Variants in CTNND1 observed in about 807,000 individuals in gnomAD.
CTNND1 encodes the protein catenin delta 1, also known as catenin delta-1.
In CTNND1, 16 loss-of-function variants were observed where a neutral mutation model predicts 112.1. The ratio of observed to expected loss-of-function variants is 0.14; its 90% CI spans 0.10 to 0.22. The LOEUF (loss-of-function observed/expected upper bound fraction) is 0.22. CTNND1 is among the 10% of genes least tolerant of loss of function. The probability of loss-of-function intolerance (pLI) is 1.00; values close to 1 mark genes in which losing one functional copy is unlikely to be tolerated. For missense variants in CTNND1, 1,008 were observed against 1,257.0 expected (o/e 0.80, Z 3.00); for synonymous variants, 420 against 446.5 (o/e 0.94, Z 0.75).
At position 57,802,060 on chromosome 11, in the gene CTNND1, C is replaced by T. The variant is rs2062060860; in HGVS notation, c.1284C>T (p.Ala428=). 6.2e-7 allele frequency: 1 copy of T among 1,613,998 alleles called. No homozygotes were observed. The change falls in exon 7 of 21, where the codon GCC becomes GCT. Residue 428 remains alanine (A), a synonymous_variant. Transcript: ENST00000399050. Reference sequence around the variant, plus strand: ...CCAAAAAGGAAGTGCACCTTGGAGCCTGTGGAGCTCTCAAGAATATCTCTT... The same window carrying T: ...CCAAAAAGGAAGTGCACCTTGGAGCTTGTGGAGCTCTCAAGAATATCTCTT... ...DHPKKEVHLG[A]CGALKNISFG... is the part of the protein sequence containing the mutation.
At chr11:57,767,897 A>T (rs989161622) in intron 1 of CTNND1, among the ~76,000 whole-genome samples, 4 of 149,974 alleles carry the variant, frequency 2.7e-5, no homozygotes, top group Non-Finnish European at 5.9e-5. Context: ...GTAGTAGTGC[A>T]ATCTTTGCTT....
At position 57,819,021 on chromosome 11, in the gene CTNND1, C is replaced by G. The variant is rs994571533; in HGVS notation, c.*2713C>G. 14 of 152,182 alleles carry G rather than the reference C, an allele frequency of 9.2e-5. No individual in the cohort carries two copies. The highest frequency in any genetic ancestry group is 3.9e-4 in the Admixed American group (6 of 15,280). The allele number at this position is 152,182 out of a possible 1,614,324, so 9.4% of individuals were successfully genotyped here. ...ACCATATTACCTGGATTACCAGGGA[C>G]TATCTTTGCTGCAGAGATCAAGGGT... On this transcript the variant is annotated 3_prime_UTR_variant, in exon 21 of 21. Transcript: ENST00000399050.
At chr11:57,793,634 G>T (rs501054) in intron 3 of CTNND1, among the ~76,000 whole-genome samples, 43,006 of 152,062 alleles carry the variant, frequency 0.28, 7,119 homozygotes, top group East Asian at 0.79. Context: ...TTTCCAAAAA[G>T]GTTGCATGTA....
At position 57,762,094 on chromosome 11, in the gene CTNND1, T is replaced by G; in HGVS notation, c.-239T>G. The G allele has an allele frequency of 1.0e-6, 1 of 985,426 alleles. No individual in the cohort carries two copies. Among genetic ancestry groups the G allele is most frequent in the South Asian group, 4.7e-5 (1 of 21,288 alleles). 61.0% of individuals were successfully genotyped at this position (985,426 alleles called of 1,614,324 possible). ...GTATGTACTGACGGGAAAAGGAGGA[T>G]AAGCAAGTCGAATTTTTGTCTTACG... is the stretch of plus-strand genomic sequence containing the variant. On this transcript the variant is annotated 5_prime_UTR_variant, in exon 1 of 21. The change abolishes the stop of an existing upstream ORF in the 5' untranslated region. Transcript: ENST00000399050.
Position 57,815,380 on chromosome 11 carries a change from T to G in CTNND1, c.2702-14T>G, listed in dbSNP as rs1223201579. ...GAATGTCATATTTCTGTGTACTTTT[T>G]TTTTTTTAACCAGATAACAACTATT... On this transcript the variant is annotated splice_polypyrimidine_tract_variant and intron_variant, in intron 18 of 20. Transcript: ENST00000399050. The G allele has an allele frequency of 6.6e-7, 1 of 1,504,626 alleles. No homozygotes were observed. The highest frequency in any genetic ancestry group is 1.2e-5 in the South Asian group (1 of 81,686). 93.2% of individuals were successfully genotyped at this position (1,504,626 alleles called of 1,614,324 possible). A position where few individuals can be genotyped will look rare whatever the true frequency, so the allele number is the denominator to read the frequency against.
At chr11:57,800,963 A>G (rs1405724552) in intron 6 of CTNND1, among the ~76,000 whole-genome samples, 1 of 152,206 alleles carries the variant, frequency 6.6e-6, no homozygotes, top group Non-Finnish European at 1.5e-5. Context: ...TGGGCTTCCC[A>G]AATGTGATGT....
At position 57,803,703 on chromosome 11, in the gene CTNND1, G is replaced by T; in HGVS notation, c.1503G>T (p.Val501=). Residue 501 remains valine, a synonymous_variant, in exon 8 of 21, where the codon GTG becomes GTT. Transcript: ENST00000399050. ...DHALHALTDE[V]IIPHSGWERE... is the part of the protein sequence containing the mutation. ...CACTGCATGCCTTGACAGATGAAGT[G>T]ATCATTCCTCATTCTGGTTGGGAGC... 2 of 1,613,694 alleles carry T rather than the reference G, an allele frequency of 1.2e-6. No homozygotes were observed. Among genetic ancestry groups the T allele is most frequent in the East Asian group, 4.5e-5 (2 of 44,864 alleles).
rs58673483 is a variant in CTNND1 at position 57,780,071 on chromosome 11, T to TTTG, written c.-213-8966_-213-8965insTTG. Among the ~76,000 whole-genome samples, 62 of 129,206 alleles carry TTTG rather than the reference T, an allele frequency of 4.8e-4. 19 individuals carry two copies. Among genetic ancestry groups the TTTG allele is most frequent in the Admixed American group, 5.0e-4 (6 of 12,066 alleles). The allele number at this position is 129,206 out of a possible 152,430, so 84.8% of individuals were successfully genotyped here. On this transcript the variant is annotated intron_variant, in intron 1 of 20. Coordinates refer to ENST00000399050, the MANE Select transcript of CTNND1 (RefSeq NM_001085458.2). ...ACTAGAATGACTTTTTTTTTTTTTTTGAGACAGGGTCTTACTCTGTCACTG... is the reference window on the plus strand; with the variant it reads ...ACTAGAATGACTTTTTTTTTTTTTTTTTGGAGACAGGGTCTTACTCTGTCACTG...
chr11:57,785,387 G>C (rs1177078425), intron 1 of CTNND1, among the ~76,000 whole-genome samples: 1 of 152,168 alleles, frequency 6.6e-6, no homozygotes, highest in Admixed American at 6.5e-5. Flanking sequence ...TTTGCCCAAA[G>C]TCATATAGCT....
At chr11:57,796,399 A>T in intron 5 of CTNND1, 58 bp from the exon 6 acceptor site, 3 of 1,452,760 alleles carry the variant, frequency 2.1e-6, no homozygotes, top group African/African-American at 1.4e-5. Context: ...AAAAAAAAAA[A>T]GAATTTAATT....
chr11:57,776,104 T>C lies in CTNND1; in HGVS notation c.-213-12933T>C, dbSNP rs556316700. On this transcript the variant is annotated intron_variant, in intron 1 of 20. Coordinates refer to ENST00000399050, the MANE Select transcript of CTNND1 (RefSeq NM_001085458.2). ...ATGACAGAGGTTTCTTATTTTTGAA[T>C]TGAGCCAAGAAAGCATTCCTTCTAA... is the stretch of plus-strand genomic sequence containing the variant. Among the ~76,000 whole-genome samples, 11 of 152,316 alleles carry C rather than the reference T, an allele frequency of 7.2e-5. No homozygotes were observed. The East Asian group carries it at 2.1e-3, about 29-fold the overall frequency.
rs368657366 is a variant in CTNND1 at position 57,815,508 on chromosome 11, C to A, written c.2808+8C>A. 2.5e-6 allele frequency: 4 copies of A among 1,585,212 alleles called. No individual in the cohort carries two copies. The highest frequency in any genetic ancestry group is 3.5e-6 in the Non-Finnish European group (4 of 1,154,976). ...GGAACAACACCCTTGATGGTAAATT[C>A]TCTTTATATACTGCTATCTGTCTAA... On this transcript the variant is annotated splice_region_variant and intron_variant, in intron 19 of 20. Coordinates refer to ENST00000399050, the MANE Select transcript of CTNND1 (RefSeq NM_001085458.2).
chr11:57,800,890 A>G (rs900966030), intron 6 of CTNND1, among the ~76,000 whole-genome samples: 2 of 152,242 alleles, frequency 1.3e-5, no homozygotes, highest in African/African-American at 2.4e-5. Context: ...GTACTGAAAC[A>G]GGAAGAATTG....
intron 1 of CTNND1, among the ~76,000 whole-genome samples, chr11:57,785,396 C>T (rs1030680471): frequency 2.0e-5 from 3 of 152,148 alleles, no homozygotes; most frequent in African/African-American, 7.2e-5. Flanking sequence ...AGTCATATAG[C>T]TAATAAGGAT....
chr11:57,799,552 T>C (rs768629589), intron 6 of CTNND1, among the ~76,000 whole-genome samples: 1 of 152,244 alleles, frequency 6.6e-6, no homozygotes, highest in Non-Finnish European at 1.5e-5. Flanking sequence ...GAAAAAGCAC[T>C]GAACCCTGAG....
chr11:57,775,900 T>C (rs1319275982), intron 1 of CTNND1, among the ~76,000 whole-genome samples: 1 of 152,216 alleles, frequency 6.6e-6, no homozygotes, highest in Non-Finnish European at 1.5e-5. Context: ...GGTTTGAGTT[T>C]AGTCTGGGAA....
intron 1 of CTNND1, among the ~76,000 whole-genome samples, chr11:57,769,301 G>A (rs1951965288): frequency 6.6e-6 from 1 of 151,224 alleles, no homozygotes; most frequent in Non-Finnish European, 1.5e-5. Context: ...CAGCCTGGGC[G>A]ACAGGGCGAG....
In CTNND1 at chr11:57,806,047, T is replaced by A; in HGVS notation, c.1876+12T>A. 1.2e-6 allele frequency: 2 copies of A among 1,604,702 alleles called. No homozygotes were observed. The highest frequency in any genetic ancestry group is 1.7e-6 in the Non-Finnish European group (2 of 1,175,060). ...CAAGAAGGGCAAAGGTGAGTCTTGG[T>A]TCCTGTTTCTTAGTCTTTAATGTGG... On this transcript the variant is annotated intron_variant, in intron 10 of 20. Coordinates refer to ENST00000399050, the MANE Select transcript of CTNND1 (RefSeq NM_001085458.2).
chr11:57,807,992 C>T (rs1247834412), intron 12 of CTNND1, among the ~76,000 whole-genome samples, 173 bp from the exon 13 acceptor site: 1 of 152,150 alleles, frequency 6.6e-6, no homozygotes. Flanking sequence ...ATTCTTAAGA[C>T]ATGGAATTTG....
Sources: gnomAD v4.1 joint callset for allele counts (sites outside exome capture counted in the v4.1 genomes callset) on GRCh38, gnomAD v4.1.1 for gene constraint, MANE v1.5 for transcripts, NCBI Gene and HGNC (gene_info 2026-07-23, HGNC 2026-07-21) for gene names.